ASAH1: variants seen among roughly 807,000 people sequenced by gnomAD.
The protein encoded by ASAH1 is acid ceramidase.
ASAH1 carries 70 observed loss-of-function variants against 59.5 expected under a neutral mutation model. That is an observed-to-expected ratio of 1.18 (90% confidence interval 0.97 to 1.43). The LOEUF is 1.43. Among genes scored for constraint, ASAH1 ranks in the 40% most tolerant of loss-of-function variants. ASAH1 has a pLI of 0.00. For synonymous variants in ASAH1, 213 were observed against 166.5 expected, an observed-to-expected ratio of 1.28 and a Z score of -2.15; for missense variants, 660 against 482.5, an observed-to-expected ratio of 1.37 and a Z score of -3.45.
intron 2 of ASAH1, among the ~76,000 whole-genome samples, chr8:18,071,888 C>A (rs571128405): frequency 1.3e-5 from 2 of 152,298 alleles, no homozygotes; most frequent in African/African-American, 2.4e-5. Context: ...TATCTTCCCA[C>A]GATCAGCTTC....
chr8:18,067,846 A>T (rs1426014722), intron 4 of ASAH1: 7 of 152,260 alleles, frequency 4.6e-5, no homozygotes, highest in African/African-American at 1.7e-4. Flanking sequence ...GAGCAAATTC[A>T]GTGGTGGACA....
rs1800177776 is a variant in ASAH1, at chr8:18,071,515, C to T, written c.126-125G>A. On this transcript the variant is annotated intron_variant, in intron 2 of 13. Coordinates refer to ENST00000637790, the MANE Select transcript of ASAH1 (RefSeq NM_177924.5). ...GCAGTGTAGAATTTGGTTACCCAAA[C>T]CAAAATTTGGAAAGAAAGTTCATTC... The T allele has an allele frequency of 4.6e-6, 3 of 645,340 alleles. No individual in the cohort carries two copies. The East Asian group carries it at 9.3e-5, about 20-fold the overall frequency. 40.0% of individuals were successfully genotyped at this position (645,340 alleles called of 1,614,324 possible).
chr8:18,083,424 AAG>A lies in ASAH1; in HGVS notation c.78+555_78+556del, dbSNP rs550592711. 4.8e-3 allele frequency: 758 copies of A among 156,430 alleles called. 1 individual carries two copies. Among genetic ancestry groups the A allele is most frequent in the Non-Finnish European group, 7.4e-3 (518 of 70,104 alleles). 9.7% of individuals were successfully genotyped at this position (156,430 alleles called of 1,614,324 possible). On this transcript the variant is annotated intron_variant, in intron 1 of 13. Coordinates refer to ENST00000637790, the MANE Select transcript of ASAH1 (RefSeq NM_177924.5). ...GTAGCCCTGTGACTTGCTCGTGGGA[AAG>A]AGCCACGGGACAGGCGATCCCATGA...
At chr8:18,072,253 C>G (rs1455548318) in intron 2 of ASAH1, among the ~76,000 whole-genome samples, 1 of 152,232 alleles carries the variant, frequency 6.6e-6, no homozygotes, top group Non-Finnish European at 1.5e-5. Context: ...CTGATCTGCT[C>G]CTGAGACTGG....
rs1249142024 is a variant in ASAH1 at position 18,056,308 on chromosome 8, A to G, written c.*1226T>C. ...TGTAAGAGTAAGATTGTGACCGTTT[A>G]GTCATATTTAATAACCCACTTACAT... On this transcript the variant is annotated 3_prime_UTR_variant, in exon 14 of 14. Transcript: ENST00000637790. 1 of 152,180 alleles carries G rather than the reference A, an allele frequency of 6.6e-6. No individual in the cohort carries two copies. The highest frequency in any genetic ancestry group is 2.4e-5 in the African/African-American group (1 of 41,446). 9.4% of individuals were successfully genotyped at this position (152,180 alleles called of 1,614,324 possible). A position where few individuals can be genotyped will look rare whatever the true frequency, so the allele number is the denominator to read the frequency against.
chr8:18,069,983 T>A, intron 3 of ASAH1, 105 bp from the exon 4 acceptor site: 1 of 711,232 alleles, frequency 1.4e-6, no homozygotes, highest in Non-Finnish European at 2.3e-6. Context: ...TTTGACAATT[T>A]ATATATATAT....
intron 4 of ASAH1, among the ~76,000 whole-genome samples, chr8:18,069,135 G>A (rs1304804083): frequency 8.4e-6 from 1 of 118,670 alleles, no homozygotes; most frequent in East Asian, 2.3e-4. Flanking sequence ...AGTGAGATGA[G>A]GTCTCAAAAA....
At chr8:18,084,742 T>C (rs1187024273), upstream of ASAH1, 4 of 1,613,682 alleles carry the variant, frequency 2.5e-6, no homozygotes, top group Non-Finnish European at 3.4e-6. Flanking sequence ...CGCTGAGACT[T>C]GGGTAGGAGG....
chr8:18,064,464 G>A lies in ASAH1; in HGVS notation c.450C>T (p.Asp150=), dbSNP rs756655653. 1 of 1,554,044 alleles carries A rather than the reference G, an allele frequency of 6.4e-7. No homozygotes were observed. Among genetic ancestry groups the A allele is most frequent in the South Asian group, 1.1e-5 (1 of 89,334 alleles). The change falls in exon 6 of 14, where the codon GAC becomes GAT. Residue 150 remains aspartate (D), a synonymous_variant. Transcript: ENST00000637790. Reference sequence around the variant, plus strand: ...CCCTCAGCGCACAATTACCTTTTTTGTCTTCTGCTACTATTGAAGTACAAA... The same window carrying A: ...CCCTCAGCGCACAATTACCTTTTTTATCTTCTGCTACTATTGAAGTACAAA... ...FTICTSIVAE[D]KKGHLIHGRN...
intron 5 of ASAH1, 168 bp downstream of exon 5, chr8:18,067,052 G>A: frequency 2.1e-6 from 1 of 483,178 alleles, no homozygotes. Flanking sequence ...ATGGCTACAT[G>A]CATGCATGCA....
intron 1 of ASAH1, among the ~76,000 whole-genome samples, chr8:18,083,727 T>C (rs1800759532): frequency 1.3e-5 from 2 of 152,222 alleles, no homozygotes; most frequent in African/African-American, 4.8e-5. Context: ...AATGTGCGAA[T>C]CACACCCAGG....
chr8:18,074,622 T>G (rs1365866119), intron 2 of ASAH1, among the ~76,000 whole-genome samples: 6 of 152,192 alleles, frequency 3.9e-5, no homozygotes, highest in Non-Finnish European at 8.8e-5. Context: ...TTCCTTCTTT[T>G]CTCTGTTCTG....
At chr8:18,073,467 T>G (rs539093763) in intron 2 of ASAH1, among the ~76,000 whole-genome samples, 1 of 152,204 alleles carries the variant, frequency 6.6e-6, no homozygotes, top group African/African-American at 2.4e-5. Flanking sequence ...CATGGCTACC[T>G]AGGTGGCATG....
intron 10 of ASAH1, 182 bp downstream of exon 10, chr8:18,061,195 C>CTA: frequency 1.9e-6 from 1 of 529,512 alleles, no homozygotes; most frequent in Non-Finnish European, 3.4e-6. Context: ...CATTTATTTG[C>CTA]TATAAAACAC....
At chr8:18,083,825 C>A (rs1375449066) in intron 1 of ASAH1, 156 bp downstream of exon 1, 2 of 1,457,626 alleles carry the variant, frequency 1.4e-6, no homozygotes, top group Non-Finnish European at 1.8e-6. Flanking sequence ...CCAGCCCGCT[C>A]TGCACCCACA....
In ASAH1 at chr8:18,062,273, C is replaced by G; in HGVS notation, c.648+6G>C. Reference sequence around the variant, plus strand: ...CTGTATAATTATGTAACAACAGACTCCTTACTGGTTTGAATCCTGTTAACA... The same window carrying G: ...CTGTATAATTATGTAACAACAGACTGCTTACTGGTTTGAATCCTGTTAACA... On this transcript the variant is annotated splice_donor_region_variant and intron_variant, in intron 8 of 13. Transcript: ENST00000637790. 6.2e-7 allele frequency: 1 copy of G among 1,614,148 alleles called. No homozygotes were observed. Among genetic ancestry groups the G allele is most frequent in the South Asian group, 1.1e-5 (1 of 91,086 alleles).
chr8:18,077,030 G>C (rs1184042237), intron 1 of ASAH1, among the ~76,000 whole-genome samples: 2 of 152,164 alleles, frequency 1.3e-5, no homozygotes, highest in Non-Finnish European at 2.9e-5. Flanking sequence ...ATAGTGGCTG[G>C]GGGCAGCTCG....
rs367837859 is a variant in ASAH1 at position 18,058,909 on chromosome 8, A to G, written c.1042-18T>C. 36 of 1,602,002 alleles carry G rather than the reference A, an allele frequency of 2.2e-5. No homozygotes were observed. In the African/African-American group the frequency reaches 4.0e-4, roughly 18 times the overall value. On this transcript the variant is annotated intron_variant, in intron 12 of 13. Coordinates refer to ENST00000637790, the MANE Select transcript of ASAH1 (RefSeq NM_177924.5). ...GAGATATTCTAAAACACAAGAAAAT[A>G]GTTTTGTTCAGTAAGTTAAATACAG...
At chr8:18,075,422 C>T (rs79456470) in intron 2 of ASAH1, 119 bp downstream of exon 2, 13 of 1,093,710 alleles carry the variant, frequency 1.2e-5, no homozygotes, top group Non-Finnish European at 1.8e-5. Flanking sequence ...ACCTCTGTCT[C>T]GGAATGGGAA....
Sources: allele counts gnomAD v4.1 joint callset (sites outside exome capture counted in the v4.1 genomes callset), GRCh38; gene constraint gnomAD v4.1.1; transcripts MANE v1.5; gene names NCBI Gene and HGNC (gene_info 2026-07-23, HGNC 2026-07-21).